The following NRXN3 variants were observed in gnomAD, a reference collection of about 807,000 sequenced individuals.
The protein encoded by NRXN3 is neurexin III.
In NRXN3, 32 loss-of-function variants were observed where a neutral mutation model predicts 137.6. The observed-to-expected ratio is 0.23, with a 90% confidence interval of 0.18 to 0.31. The LOEUF is 0.31. Ranked by LOEUF, NRXN3 falls within the 10% of genes least tolerant of loss-of-function variation. The probability of loss-of-function intolerance (pLI) is 1.00; values close to 1 mark genes in which losing one functional copy is unlikely to be tolerated. For missense variants in NRXN3, 1,574 were observed against 2,062.5 expected (o/e 0.76, Z 4.59); for synonymous variants, 798 against 784.5 (o/e 1.02, Z -0.29).
At chr14:79,336,130 T>C (rs908952688) in intron 15 of NRXN3, among the ~76,000 whole-genome samples, 3 of 152,116 alleles carry the variant, frequency 2.0e-5, no homozygotes, top group African/African-American at 7.2e-5. Flanking sequence ...AGGAAGAGGT[T>C]TCCAAAAACA....
intron 16 of NRXN3, among the ~76,000 whole-genome samples, chr14:79,635,395 CT>C (rs1431908004): frequency 6.6e-6 from 1 of 152,182 alleles, no homozygotes; most frequent in Non-Finnish European, 1.5e-5. Flanking sequence ...TTATTTAAGC[CT>C]ATGCAATCAT....
intron 15 of NRXN3, among the ~76,000 whole-genome samples, chr14:79,207,202 A>G (rs553120609): frequency 4.6e-5 from 7 of 152,348 alleles, no homozygotes; most frequent in African/African-American, 1.7e-4. Flanking sequence ...TTCTCAGTAC[A>G]TAAGTGTCAT....
intron 1 of NRXN3, among the ~76,000 whole-genome samples, chr14:78,181,103 G>A (rs924808233): frequency 1.3e-5 from 2 of 152,218 alleles, no homozygotes; most frequent in Non-Finnish European, 2.9e-5. Context: ...TCCAGAGTTA[G>A]GTAAGTGTGG....
intron 4 of NRXN3, among the ~76,000 whole-genome samples, chr14:78,576,631 T>C (rs1015021983): frequency 7.9e-5 from 12 of 152,182 alleles, no homozygotes; most frequent in Non-Finnish European, 1.0e-4. Flanking sequence ...GGCAAGCTTA[T>C]TCTCACACCT....
chr14:78,308,529 G>A (rs2077603679), intron 4 of NRXN3, among the ~76,000 whole-genome samples: 1 of 152,040 alleles, frequency 6.6e-6, no homozygotes, highest in Admixed American at 6.6e-5. Flanking sequence ...ATTATTAAAC[G>A]AATGATGTGC....
chr14:78,846,490 A>C (rs1273524600), intron 10 of NRXN3, among the ~76,000 whole-genome samples: 1 of 152,116 alleles, frequency 6.6e-6, no homozygotes, highest in Non-Finnish European at 1.5e-5. Flanking sequence ...TGTCAAAAGG[A>C]CAAAATAATG....
At chr14:78,488,355 A>G (rs748506143) in intron 4 of NRXN3, among the ~76,000 whole-genome samples, 15 of 152,196 alleles carry the variant, frequency 9.9e-5, no homozygotes, top group Non-Finnish European at 1.8e-4. Context: ...GATGAGGAAT[A>G]TTGTTAAATG....
intron 19 of NRXN3, among the ~76,000 whole-genome samples, chr14:79,719,360 T>TATA (rs373633137): frequency 8.9e-6 from 1 of 112,448 alleles, no homozygotes; most frequent in East Asian, 2.8e-4. Flanking sequence ...TATATGTGTA[T>TATA]TGTGTGTATG....
chr14:79,319,138 T>C (rs958492574), intron 15 of NRXN3, among the ~76,000 whole-genome samples: 1 of 152,238 alleles, frequency 6.6e-6, no homozygotes, highest in African/African-American at 2.4e-5. Context: ...TCCTTTATTA[T>C]GAGTAGAATA....
intron 15 of NRXN3, among the ~76,000 whole-genome samples, chr14:79,212,434 A>G (rs577521233): frequency 3.9e-5 from 6 of 152,244 alleles, no homozygotes; most frequent in African/African-American, 1.2e-4. Flanking sequence ...TGCCTGGGGG[A>G]AAAGGGACAG....
chr14:78,981,014 A>C (rs1010307600), intron 14 of NRXN3, among the ~76,000 whole-genome samples: 1 of 152,200 alleles, frequency 6.6e-6, no homozygotes, highest in African/African-American at 2.4e-5. Context: ...ATGATAAAAA[A>C]AGACTTCATA....
intron 4 of NRXN3, among the ~76,000 whole-genome samples, chr14:78,326,518 T>A (rs2080100012): frequency 6.6e-6 from 1 of 151,842 alleles, no homozygotes; most frequent in Non-Finnish European, 1.5e-5. Context: ...TGTGAGGGAG[T>A]CACGCATGTG....
chr14:79,773,410 A>T (rs541138974), intron 19 of NRXN3, among the ~76,000 whole-genome samples: 4 of 152,304 alleles, frequency 2.6e-5, no homozygotes, highest in African/African-American at 9.6e-5. Context: ...CAGATTAAGA[A>T]AATGTGGCAC....
intron 19 of NRXN3, among the ~76,000 whole-genome samples, chr14:79,759,965 T>G (rs1367083796): frequency 6.6e-6 from 1 of 151,688 alleles, no homozygotes; most frequent in Non-Finnish European, 1.5e-5. Flanking sequence ...GAAAATGAAT[T>G]CTGTGTTACA....
chr14:78,463,671 A>C (rs2095000027), intron 4 of NRXN3, among the ~76,000 whole-genome samples: 1 of 144,786 alleles, frequency 6.9e-6, no homozygotes, highest in African/African-American at 2.6e-5. Context: ...GATGCATACT[A>C]GATGCAACAC....
chr14:79,444,550 C>G (rs2096023295), intron 15 of NRXN3, among the ~76,000 whole-genome samples: 1 of 152,186 alleles, frequency 6.6e-6, no homozygotes, highest in East Asian at 1.9e-4. Context: ...AAGGGCTGGG[C>G]ATGGTGGCCC....
intron 19 of NRXN3, among the ~76,000 whole-genome samples, chr14:79,740,743 T>TAA (rs2098959877): frequency 2.1e-5 from 1 of 48,262 alleles, no homozygotes; most frequent in Non-Finnish European, 4.5e-5. Context: ...TATATATATA[T>TAA]ATATATATAT....
At chr14:79,579,665 A>C (rs1428439598) in intron 16 of NRXN3, among the ~76,000 whole-genome samples, 3 of 152,076 alleles carry the variant, frequency 2.0e-5, no homozygotes, top group African/African-American at 7.2e-5. Context: ...GTTTCTTTTT[A>C]AAAGATTGAT....
intron 4 of NRXN3, among the ~76,000 whole-genome samples, chr14:78,506,963 G>C (rs545199512): frequency 6.6e-6 from 1 of 152,018 alleles, no homozygotes; most frequent in African/African-American, 2.4e-5. Flanking sequence ...TTCTTAATCA[G>C]GCTTTTTTCT....
Sources: allele counts gnomAD v4.1 joint callset (sites outside exome capture counted in the v4.1 genomes callset), GRCh38; gene constraint gnomAD v4.1.1; transcripts MANE v1.5; gene names NCBI Gene and HGNC (gene_info 2026-07-23, HGNC 2026-07-21).